SORL1: variants seen among roughly 807,000 people sequenced by gnomAD.
SORL1 encodes sortilin related receptor 1.
SORL1 carries 127 observed loss-of-function variants against 273.7 expected under a neutral mutation model. The observed-to-expected ratio is 0.46, with a 90% CI of 0.40 to 0.54. The LOEUF is 0.54. SORL1 is among the 20% of genes least tolerant of loss of function. The pLI is 0.00. For missense variants in SORL1, 2,494 were observed against 2,846.1 expected, an observed-to-expected ratio of 0.88 and a Z score of 2.81; for synonymous variants, 1,031 against 1,067.4, an observed-to-expected ratio of 0.97 and a Z score of 0.66.
At chr11:121,628,662 C>G (rs1217320870) in intron 47 of SORL1, among the ~76,000 whole-genome samples, 2 of 152,164 alleles carry the variant, frequency 1.3e-5, no homozygotes, top group African/African-American at 4.8e-5. Flanking sequence ...AATGAAAACC[C>G]TAAATGCTAA....
intron 6 of SORL1, among the ~76,000 whole-genome samples, chr11:121,499,469 A>G (rs1861679172): frequency 6.6e-6 from 1 of 152,202 alleles, no homozygotes. Context: ...GATCATCCCA[A>G]GGTTGTCTAA....
chr11:121,615,402 A>G (rs1863625928), intron 41 of SORL1, among the ~76,000 whole-genome samples: 1 of 151,900 alleles, frequency 6.6e-6, no homozygotes, highest in South Asian at 2.1e-4. Flanking sequence ...TCCTCTTGCT[A>G]TGCAAGAAAA....
chr11:121,600,047 T>C (rs1261723287), intron 32 of SORL1, among the ~76,000 whole-genome samples: 2 of 152,248 alleles, frequency 1.3e-5, no homozygotes, highest in African/African-American at 4.8e-5. Flanking sequence ...AAGGCATGCC[T>C]GTCATACTTG....
At position 121,452,488 on chromosome 11, in the gene SORL1, G is replaced by C. The variant is rs983084281; in HGVS notation, c.157G>C (p.Gly53Arg). 6.7e-7 allele frequency: 1 copy of C among 1,489,144 alleles called. No individual in the cohort carries two copies. The highest frequency in any genetic ancestry group is 8.9e-7 in the Non-Finnish European group (1 of 1,121,760). The allele number at this position is 1,489,144 out of a possible 1,614,324, so 92.2% of individuals were successfully genotyped here. A position where few individuals can be genotyped will look rare whatever the true frequency, so the allele number is the denominator to read the frequency against. The change falls in exon 1 of 48, where the codon GGC becomes CGC. Residue 53 changes from glycine (G) to arginine (R), a missense_variant. Gly to Arg is a moderately radical substitution (Grantham distance 125, BLOSUM62 -2). Coordinates refer to ENST00000260197, the MANE Select transcript of SORL1 (RefSeq NM_003105.6). This position sits in a 1 kb window ranked among gnomAD's most constrained non-coding sequence, Gnocchi z 5.3. ...PQDRGFLVVQ[G>R]DPRELRLWAR... ...GGACCGGGGCTTCCTCGTGGTGCAG[G>C]GCGACCCGCGCGAGCTGCGGCTGTG...
At position 121,604,211 on chromosome 11, in the gene SORL1, C is replaced by T. The variant is rs755783931; in HGVS notation, c.4538C>T (p.Thr1513Ile). 1.2e-6 allele frequency: 2 copies of T among 1,614,172 alleles called. No individual in the cohort carries two copies. The highest frequency in any genetic ancestry group is 2.2e-5 in the East Asian group (1 of 44,896). Residue 1513 changes from threonine (T) to isoleucine (I), a missense_variant, in exon 33 of 48, where the codon ACT becomes ATT. By Grantham distance (89) the Thr-to-Ile change is moderately conservative (BLOSUM62 -1). Coordinates refer to ENST00000260197, the MANE Select transcript of SORL1 (RefSeq NM_003105.6). ...GTTTCAGCCACACACAGCACCTTGA[C>T]TTGCATGAGCAGGGAGTTCCAGTGC... is the stretch of plus-strand genomic sequence containing the variant. Reference protein sequence around the residue: ...EANCPTHSTLTCMSREFQCED... With the variant: ...EANCPTHSTLICMSREFQCED...
At chr11:121,472,765 A>T (rs1861191063) in intron 2 of SORL1, among the ~76,000 whole-genome samples, 2 of 152,212 alleles carry the variant, frequency 1.3e-5, no homozygotes, top group South Asian at 4.1e-4. Context: ...GTTTGAGACC[A>T]GCCTGACCAA....
chr11:121,482,301 C>G (rs1861403109), intron 3 of SORL1, among the ~76,000 whole-genome samples: 1 of 152,134 alleles, frequency 6.6e-6, no homozygotes, highest in South Asian at 2.1e-4. Flanking sequence ...ATGGGGGTGA[C>G]ATGTTTGCAT....
chr11:121,507,117 T>C (rs551886528), intron 6 of SORL1, among the ~76,000 whole-genome samples: 28 of 152,244 alleles, frequency 1.8e-4, no homozygotes, highest in Non-Finnish European at 3.7e-4. Context: ...TGTGCTATTA[T>C]TGTTTCATCT....
chr11:121,473,724 G>T (rs986035754), intron 2 of SORL1, among the ~76,000 whole-genome samples: 1 of 152,068 alleles, frequency 6.6e-6, no homozygotes, highest in Non-Finnish European at 1.5e-5. Context: ...GTGAAACCCT[G>T]TCTCTACTAA....
In SORL1 at chr11:121,605,398, C is replaced by T; in HGVS notation, c.4779-4C>T. ...GACAATATCTTTATTTTTTTTTGGG[C>T]CAGGGTGGTTGGAGAGAGCATATGG... On this transcript the variant is annotated splice_polypyrimidine_tract_variant and splice_region_variant and intron_variant, in intron 34 of 47. Transcript: ENST00000260197. 1 of 1,603,004 alleles carries T rather than the reference C, an allele frequency of 6.2e-7. No individual in the cohort carries two copies. The highest frequency in any genetic ancestry group is 1.1e-5 in the South Asian group (1 of 89,960).
chr11:121,574,152 A>G (rs947902044), intron 23 of SORL1, 89 bp from the exon 24 acceptor site: 52 of 1,326,494 alleles, frequency 3.9e-5, no homozygotes, highest in East Asian at 1.4e-4. Context: ...GCTTTCTTCT[A>G]TTTTTTAATT....
At chr11:121,480,940 C>T (rs1248938223) in intron 3 of SORL1, among the ~76,000 whole-genome samples, 24 of 124,078 alleles carry the variant, frequency 1.9e-4, no homozygotes, top group South Asian at 1.1e-3. Flanking sequence ...CCAGCTCCTC[C>T]CCTAGTGCAC....
rs138702824 is a variant in SORL1 at position 121,614,889 on chromosome 11, A to G, written c.5438A>G (p.His1813Arg). The G allele has an allele frequency of 6.2e-5, 100 of 1,612,786 alleles. No homozygotes were observed. Among genetic ancestry groups the G allele is most frequent in the Non-Finnish European group, 8.4e-5 (99 of 1,179,426 alleles). The stretch of plus-strand genomic sequence containing the variant: ...TTCACAGTTGGCAATCTGACAGCTC[A>G]TACATCCTATGAGATTTCTGCCTGG... ...LSHKVGNLTA[H>R]TSYEISAWAK... Residue 1813 changes from histidine (H) to arginine (R), a missense_variant, in exon 41 of 48, where the codon CAT becomes CGT. By Grantham distance (29) the His-to-Arg change is conservative. Coordinates refer to ENST00000260197, the MANE Select transcript of SORL1 (RefSeq NM_003105.6).
intron 3 of SORL1, 31 bp downstream of exon 3, chr11:121,478,274 C>A: frequency 6.2e-7 from 1 of 1,605,814 alleles, no homozygotes; most frequent in Non-Finnish European, 8.5e-7. Flanking sequence ...CCTGTCCCGA[C>A]TTCATGGGAC....
At chr11:121,577,258 T>C in intron 24 of SORL1, 23 bp from the exon 25 acceptor site, 1 of 1,560,850 alleles carries the variant, frequency 6.4e-7, no homozygotes, top group Non-Finnish European at 8.7e-7. Context: ...TCCTCACCTC[T>C]CTGTTTATGG....
chr11:121,591,183 G>C, intron 31 of SORL1, 27 bp downstream of exon 31: 2 of 1,612,898 alleles, frequency 1.2e-6, no homozygotes, highest in South Asian at 1.1e-5. Flanking sequence ...GTCCTCTCCT[G>C]TGGTACCTGC....
At chr11:121,487,868 A>T (rs541066843) in intron 3 of SORL1, among the ~76,000 whole-genome samples, 164 bp from the exon 4 acceptor site, 102 of 152,154 alleles carry the variant, frequency 6.7e-4, no homozygotes, top group Non-Finnish European at 1.2e-3. Flanking sequence ...TTGCCAAGAG[A>T]TGGGGAGAAA....
At chr11:121,557,980 T>C (rs1331925117) in intron 19 of SORL1, among the ~76,000 whole-genome samples, 1 of 152,232 alleles carries the variant, frequency 6.6e-6, no homozygotes, top group African/African-American at 2.4e-5. Context: ...ATGTATGTAC[T>C]TGGTTGACAA....
chr11:121,586,086 C>T (rs1466481950), intron 26 of SORL1, 136 bp from the exon 27 acceptor site: 1 of 679,050 alleles, frequency 1.5e-6, no homozygotes, highest in Non-Finnish European at 2.7e-6. Flanking sequence ...AGTGTGTATA[C>T]ATTTGTCATT....
Sources: gnomAD v4.1 joint callset for allele counts (sites outside exome capture counted in the v4.1 genomes callset) on GRCh38, gnomAD v4.1.1 for gene constraint, Gnocchi (gnomAD v3.1) non-coding constraint, MANE v1.5 for transcripts, NCBI Gene and HGNC (gene_info 2026-07-23, HGNC 2026-07-21) for gene names.